SLC35F4: variants seen among roughly 807,000 people sequenced by gnomAD.
SLC35F4 encodes chromosome 14 open reading frame 36.
A neutral mutation model predicts 44.2 loss-of-function variants in SLC35F4; 24 were observed. The observed-to-expected ratio is 0.54, with a 90% confidence interval of 0.39 to 0.76. The LOEUF is 0.76. Among genes scored for constraint, SLC35F4 ranks in the 30% least tolerant of loss-of-function variants. The pLI is 0.00. For synonymous variants in SLC35F4, 238 were observed against 223.6 expected (o/e 1.06, Z -0.57); for missense variants, 562 against 586.1 (o/e 0.96, Z 0.42).
downstream of SLC35F4, among the ~76,000 whole-genome samples, chr14:57,972,897 G>A (rs918540544): frequency 2.0e-5 from 3 of 152,210 alleles, no homozygotes; most frequent in African/African-American, 4.8e-5. Context: ...ACATGGACAT[G>A]GAATACAATG....
At chr14:57,767,839 A>G (rs1420072604) in intron 1 of SLC35F4, among the ~76,000 whole-genome samples, 1 of 152,176 alleles carries the variant, frequency 6.6e-6, no homozygotes, top group African/African-American at 2.4e-5. Flanking sequence ...TATACTAAAA[A>G]TCCTTCAGCC....
Position 57,937,921 on chromosome 14 carries a change from T to C in SLC35F4, n.282+43992A>G, listed in dbSNP as rs548181882. On this transcript the variant is annotated intron_variant and non_coding_transcript_variant, in intron 1 of 1. Transcript: ENST00000556568. ...GCAATAAGTTATTGTTTCCCCAACA[T>C]CACATGCACATTTCTACTTCTGATC... Among the ~76,000 whole-genome samples the C allele has an allele frequency of 9.3e-4, 141 of 152,258 alleles. No individual in the cohort carries two copies. In the Middle Eastern group the frequency reaches 0.017, roughly 18 times the overall value.
rs1444685958 is a variant in SLC35F4, at chr14:57,585,037, A to C, written c.588-3604T>G. ...ATATAAAATATCTTTAGTAATCTCA[A>C]ATAGTCATAGGGCTCTCCCCCAATC... On this transcript the variant is annotated intron_variant, in intron 3 of 7. Transcript: ENST00000556826. Among the ~76,000 whole-genome samples the C allele has an allele frequency of 2.6e-5, 4 of 152,206 alleles. No individual in the cohort carries two copies. In the South Asian group the frequency reaches 8.3e-4, roughly 31 times the overall value.
rs199785589 is a variant in SLC35F4, at chr14:57,578,325, G to GTTTTTTTTTTTTTT, written c.807+2875_807+2888dup. ...GATGACTGAAAGCATCCCTTTAACT[G>GTTTTTTTTTTTTTT]TTTTTTTTTTTTTTTTTTTTTTTTT... On this transcript the variant is annotated intron_variant, in intron 4 of 7. Coordinates refer to ENST00000556826, the MANE Select transcript of SLC35F4 (RefSeq NM_001306087.2). Among the ~76,000 whole-genome samples the GTTTTTTTTTTTTTT allele has an allele frequency of 1.7e-3, 72 of 43,164 alleles. 23 individuals carry two copies. Among genetic ancestry groups the GTTTTTTTTTTTTTT allele is most frequent in the Non-Finnish European group, 2.0e-3 (44 of 21,764 alleles). The allele number at this position is 43,164 out of a possible 152,430, so 28.3% of individuals were successfully genotyped here. A position where few individuals can be genotyped will look rare whatever the true frequency, so the allele number is the denominator to read the frequency against.
chr14:57,752,610 A>G (rs1326306551), intron 1 of SLC35F4, among the ~76,000 whole-genome samples: 1 of 151,902 alleles, frequency 6.6e-6, no homozygotes, highest in Non-Finnish European at 1.5e-5. Flanking sequence ...ACAGGCGCAC[A>G]CTACCATACC....
At chr14:57,950,297 C>G (rs1363527931) in intron 1 of SLC35F4, among the ~76,000 whole-genome samples, 1 of 151,732 alleles carries the variant, frequency 6.6e-6, no homozygotes, top group Non-Finnish European at 1.5e-5. Flanking sequence ...GAAGTTCTTT[C>G]TTCTACTTGT....
intron 1 of SLC35F4, among the ~76,000 whole-genome samples, chr14:57,712,544 T>C (rs1044100456): frequency 3.3e-5 from 5 of 152,208 alleles, no homozygotes; most frequent in African/African-American, 1.2e-4. Context: ...CGTAATATTT[T>C]CTATGTGAAG....
chr14:57,704,090 C>T (rs548148579), intron 1 of SLC35F4, among the ~76,000 whole-genome samples: 4 of 152,172 alleles, frequency 2.6e-5, no homozygotes, highest in Non-Finnish European at 5.9e-5. Flanking sequence ...CTAGGCAGGA[C>T]TTAGAACTAG....
intron 1 of SLC35F4, among the ~76,000 whole-genome samples, chr14:57,634,077 G>A (rs2072913197): frequency 6.6e-6 from 1 of 152,088 alleles, no homozygotes; most frequent in South Asian, 2.1e-4. Context: ...ATGAGATAAG[G>A]ACCAAGAATT....
chr14:57,748,966 C>G (rs565151588), intron 1 of SLC35F4, among the ~76,000 whole-genome samples: 3 of 152,272 alleles, frequency 2.0e-5, no homozygotes, highest in East Asian at 1.9e-4. Flanking sequence ...TCACCTTCAT[C>G]TTAACTCTGT....
intron 2 of SLC35F4, 60 bp from the exon 3 acceptor site, chr14:57,589,573 A>C (rs80195240): frequency 3.7e-5 from 54 of 1,465,726 alleles, no homozygotes; most frequent in Non-Finnish European, 4.4e-5. Context: ...GCAATCAAAT[A>C]TATCAGCTCC....
chr14:57,818,591 C>T (rs762312632), intron 1 of SLC35F4, among the ~76,000 whole-genome samples: 1 of 151,962 alleles, frequency 6.6e-6, no homozygotes, highest in Non-Finnish European at 1.5e-5. Context: ...GCTTCTCTGC[C>T]CTGTAGTCAC....
intron 4 of SLC35F4, among the ~76,000 whole-genome samples, chr14:57,574,121 G>A (rs1187216877): frequency 6.6e-6 from 1 of 152,128 alleles, no homozygotes; most frequent in Non-Finnish European, 1.5e-5. Flanking sequence ...CAGGCAGTTG[G>A]TTTCATTATC....
At chr14:57,578,414 T>C (rs1258320391) in intron 4 of SLC35F4, among the ~76,000 whole-genome samples, 1 of 141,098 alleles carries the variant, frequency 7.1e-6, no homozygotes, top group East Asian at 2.3e-4. Flanking sequence ...AGATTATTTA[T>C]AGATGTGGGC....
At chr14:57,735,632 CT>C (rs2076444439) in intron 1 of SLC35F4, among the ~76,000 whole-genome samples, 1 of 152,160 alleles carries the variant, frequency 6.6e-6, no homozygotes, top group African/African-American at 2.4e-5. Flanking sequence ...TACAATGTTC[CT>C]CAAGGCCTCA....
downstream of SLC35F4, among the ~76,000 whole-genome samples, chr14:57,972,016 C>T (rs991093730): frequency 6.6e-6 from 1 of 152,002 alleles, no homozygotes; most frequent in African/African-American, 2.4e-5. Flanking sequence ...AACTGAAAAC[C>T]GAAGGTTATG....
chr14:57,641,128 G>A (rs2073214144), intron 1 of SLC35F4, among the ~76,000 whole-genome samples: 1 of 151,778 alleles, frequency 6.6e-6, no homozygotes, highest in Non-Finnish European at 1.5e-5. Context: ...TAGAGAGAAA[G>A]CAAAGATAAT....
chr14:57,951,729 C>G (rs761850896), intron 1 of SLC35F4, among the ~76,000 whole-genome samples: 2 of 152,214 alleles, frequency 1.3e-5, no homozygotes, highest in Non-Finnish European at 2.9e-5. Context: ...CAAACTGCCT[C>G]TCTAGATTTC....
At chr14:57,671,838 A>C (rs900628987) in intron 1 of SLC35F4, among the ~76,000 whole-genome samples, 9 of 152,142 alleles carry the variant, frequency 5.9e-5, no homozygotes, top group African/African-American at 2.2e-4. Context: ...GAAGCAGGTC[A>C]AGCCCATTAT....
Sources: gnomAD v4.1 joint callset for allele counts (sites outside exome capture counted in the v4.1 genomes callset) on GRCh38, gnomAD v4.1.1 for gene constraint, MANE v1.5 for transcripts, NCBI Gene and HGNC (gene_info 2026-07-23, HGNC 2026-07-21) for gene names.